The following BARX2 variants were observed in gnomAD, a reference collection of about 807,000 sequenced individuals.
BARX2 encodes the protein homeobox protein BarH-like 2.
In BARX2, 11 loss-of-function variants were observed where a neutral mutation model predicts 25.5. The observed-to-expected ratio is 0.43, with a 90% CI of 0.27 to 0.71. The LOEUF is 0.71. Among genes scored for constraint, BARX2 ranks in the 30% least tolerant of loss-of-function variants. The pLI, the probability that BARX2 is intolerant of heterozygous loss-of-function variation, is 0.19. For missense variants in BARX2, 360 were observed against 359.9 expected (o/e 1.00, Z 0.00); for synonymous variants, 137 against 149.5 (o/e 0.92, Z 0.61).
At chr11:129,398,543 A>G (rs1031356371) in intron 1 of BARX2, among the ~76,000 whole-genome samples, 1 of 152,226 alleles carries the variant, frequency 6.6e-6, no homozygotes, top group African/African-American at 2.4e-5. Flanking sequence ...CATGCTCAAT[A>G]AATATTTGCT....
intron 3 of BARX2, among the ~76,000 whole-genome samples, chr11:129,450,696 T>C (rs888659872): frequency 4.6e-5 from 7 of 152,212 alleles, no homozygotes; most frequent in Non-Finnish European, 1.0e-4. Context: ...CAAAAAGCCA[T>C]GCACATTTTA....
intron 1 of BARX2, among the ~76,000 whole-genome samples, chr11:129,415,330 C>T (rs1417964567): frequency 6.6e-6 from 1 of 152,170 alleles, no homozygotes; most frequent in African/African-American, 2.4e-5. Context: ...CCTCATGGCC[C>T]TTTCTCCCTT....
At chr11:129,379,948 C>G (rs1464549893) in intron 1 of BARX2, among the ~76,000 whole-genome samples, 1 of 151,960 alleles carries the variant, frequency 6.6e-6, no homozygotes, top group African/African-American at 2.4e-5. Context: ...TTCCCCTTCT[C>G]TGGCAGAATG....
intron 1 of BARX2, among the ~76,000 whole-genome samples, chr11:129,402,142 T>C (rs1264429106): frequency 6.6e-6 from 1 of 151,758 alleles, no homozygotes; most frequent in East Asian, 1.9e-4. Context: ...ATTTTAGAGG[T>C]GTGAAGCTTG....
chr11:129,436,478 A>G lies in BARX2; in HGVS notation c.188-273A>G. 2.6e-6 allele frequency: 1 copy of G among 386,358 alleles called. No individual in the cohort carries two copies. 23.9% of individuals were successfully genotyped at this position (386,358 alleles called of 1,614,324 possible). A position where few individuals can be genotyped will look rare whatever the true frequency, so the allele number is the denominator to read the frequency against. ...CCAAGAATTTAGGGATTCCGAAGGG[A>G]GAGAGGGGAAAGATCTGCTTAAAAC... On this transcript the variant is annotated intron_variant, in intron 1 of 3. Coordinates refer to ENST00000281437, the MANE Select transcript of BARX2 (RefSeq NM_003658.5). The surrounding 1 kb of genome is among the most constrained non-coding windows in gnomAD (Gnocchi z 4.5).
chr11:129,377,657 G>A (rs1334335351), intron 1 of BARX2, among the ~76,000 whole-genome samples: 2 of 152,230 alleles, frequency 1.3e-5, no homozygotes, highest in African/African-American at 4.8e-5. Flanking sequence ...GAATAGGGGT[G>A]ATAAGTTGAA....
intron 1 of BARX2, among the ~76,000 whole-genome samples, chr11:129,427,234 C>A (rs1204150117): frequency 6.6e-6 from 1 of 152,162 alleles, no homozygotes; most frequent in South Asian, 2.1e-4. Context: ...CTGTTATTGG[C>A]CTAACTTTAT....
chr11:129,429,022 T>TC (rs1555139199), intron 1 of BARX2, among the ~76,000 whole-genome samples: 5,615 of 149,560 alleles, frequency 0.038, 241 homozygotes, highest in East Asian at 0.12. Flanking sequence ...TTTTTTTTTT[T>TC]CATGAAGATT....
chr11:129,450,550 A>C (rs1862384998), intron 3 of BARX2, among the ~76,000 whole-genome samples: 1 of 152,232 alleles, frequency 6.6e-6, no homozygotes, highest in African/African-American at 2.4e-5. Context: ...ACCCAATTAC[A>C]TGGCTAAACT....
At chr11:129,439,765 T>C (rs1862234639) in intron 2 of BARX2, among the ~76,000 whole-genome samples, 1 of 152,144 alleles carries the variant, frequency 6.6e-6, no homozygotes, top group African/African-American at 2.4e-5. Context: ...CATGGCTGTT[T>C]CCACTTCCCT....
rs147956023 is a variant in BARX2 at position 129,390,157 on chromosome 11, C to T, written c.187+13935C>T. The stretch of plus-strand genomic sequence containing the variant: ...TGAGGAGTTCTCACCTTCTATGGTG[C>T]AAAGGCATCGCCAGTGAACAGGGTG... On this transcript the variant is annotated intron_variant, in intron 1 of 3. Coordinates refer to ENST00000281437, the MANE Select transcript of BARX2 (RefSeq NM_003658.5). The surrounding 1 kb of genome is among the most constrained non-coding windows in gnomAD (Gnocchi z 4.3). 1.4e-4 allele frequency among the ~76,000 whole-genome samples: 22 copies of T among 152,304 alleles called. No individual in the cohort carries two copies. The highest frequency in any genetic ancestry group is 9.1e-4 in the Admixed American group (14 of 15,302).
At chr11:129,441,933 GGATGCCGTGGTGCTCAGGA>G (rs1184883511) in intron 2 of BARX2, among the ~76,000 whole-genome samples, 2 of 152,134 alleles carry the variant, frequency 1.3e-5, no homozygotes, top group African/African-American at 4.8e-5. Context: ...ATGTACCCTG[GGATGCCGTGGTGCTCAGGA>G]AATGGTGGGT....
intron 1 of BARX2, among the ~76,000 whole-genome samples, chr11:129,406,141 A>G (rs932226833): frequency 6.6e-6 from 1 of 152,244 alleles, no homozygotes; most frequent in African/African-American, 2.4e-5. Context: ...AATGGATGGT[A>G]CTAAATCATG....
At chr11:129,398,064 A>C (rs1565511662) in intron 1 of BARX2, among the ~76,000 whole-genome samples, 1 of 152,238 alleles carries the variant, frequency 6.6e-6, no homozygotes. Context: ...CACGATCTCA[A>C]CTGCATCTTT....
chr11:129,413,479 C>G (rs1195894551), intron 1 of BARX2, among the ~76,000 whole-genome samples: 1 of 152,092 alleles, frequency 6.6e-6, no homozygotes, highest in African/African-American at 2.4e-5. Flanking sequence ...GAATTGGGGC[C>G]CAGTTCAATT....
chr11:129,434,643 T>G (rs1353863790), intron 1 of BARX2, among the ~76,000 whole-genome samples: 1 of 152,196 alleles, frequency 6.6e-6, no homozygotes, highest in East Asian at 1.9e-4. Flanking sequence ...TATTAATATA[T>G]AGGTTATTTC....
intron 1 of BARX2, among the ~76,000 whole-genome samples, chr11:129,435,485 G>A (rs1312863519): frequency 6.6e-6 from 1 of 152,208 alleles, no homozygotes; most frequent in African/African-American, 2.4e-5. Context: ...CTTCTGTGAT[G>A]TTAGTCGGTT....
intron 1 of BARX2, among the ~76,000 whole-genome samples, chr11:129,388,617 T>C (rs930143324): frequency 6.6e-6 from 1 of 152,176 alleles, no homozygotes; most frequent in African/African-American, 2.4e-5. Context: ...TGAGAAAAAA[T>C]GTCTGGTCGT....
intron 1 of BARX2, among the ~76,000 whole-genome samples, chr11:129,386,146 A>G (rs1439112090): frequency 6.6e-6 from 1 of 152,220 alleles, no homozygotes; most frequent in Non-Finnish European, 1.5e-5. Flanking sequence ...TGAGTTGGGT[A>G]CATGCTCTTG....
Sources: gnomAD v4.1 joint callset for allele counts (sites outside exome capture counted in the v4.1 genomes callset) on GRCh38, gnomAD v4.1.1 for gene constraint, Gnocchi (gnomAD v3.1) non-coding constraint, MANE v1.5 for transcripts, NCBI Gene and HGNC (gene_info 2026-07-23, HGNC 2026-07-21) for gene names.